WASHC2C: variants seen among roughly 807,000 people sequenced by gnomAD.
The protein encoded by WASHC2C is Vaccinia Penetration Factor.
Under a neutral mutation model 142.2 loss-of-function variants are expected in WASHC2C, and 73 were observed. That is an observed-to-expected ratio of 0.51 (90% CI 0.43 to 0.62). The LOEUF is 0.62. Among genes scored for constraint, WASHC2C ranks in the 20% least tolerant of loss-of-function variants. The pLI, the probability that WASHC2C is intolerant of heterozygous loss-of-function variation, is 0.00. For missense variants in WASHC2C, 969 were observed against 1,531.7 expected, an observed-to-expected ratio of 0.63 and a Z score of 6.13; for synonymous variants, 337 against 565.5, an observed-to-expected ratio of 0.60 and a Z score of 5.73.
intron 8 of WASHC2C, among the ~76,000 whole-genome samples, chr10:45,749,887 TA>T (rs2053383227): frequency 7.0e-6 from 1 of 142,286 alleles, no homozygotes; most frequent in Non-Finnish European, 1.5e-5. Context: ...ATTTTATATA[TA>T]TTTTTATATA....
chr10:45,771,416 G>C (rs1797066096), intron 20 of WASHC2C: 1 of 899,794 alleles, frequency 1.1e-6, no homozygotes, highest in African/African-American at 1.9e-5. Flanking sequence ...AGACAAGAAA[G>C]AGAAGAAATA....
intron 23 of WASHC2C, among the ~76,000 whole-genome samples, chr10:45,779,983 CAAAAAAA>C (rs1212129330): frequency 1.4e-5 from 1 of 69,000 alleles, no homozygotes; most frequent in Non-Finnish European, 3.0e-5. Flanking sequence ...GACTCCATCT[CAAAAAAA>C]AAAAAAAAAA....
At chr10:45,768,548 CAG>C (rs1387137132) in intron 19 of WASHC2C, among the ~76,000 whole-genome samples, 5 of 152,144 alleles carry the variant, frequency 3.3e-5, no homozygotes, top group Non-Finnish European at 7.3e-5. Flanking sequence ...CTCTAGACTC[CAG>C]AGATAGAGCA....
chr10:45,727,342 G>T (rs777300125), intron 1 of WASHC2C, 22 bp downstream of exon 1: 5 of 1,593,210 alleles, frequency 3.1e-6, no homozygotes. Flanking sequence ...GGGCCGGAGA[G>T]GGGCCGGCCT....
intron 20 of WASHC2C, among the ~76,000 whole-genome samples, chr10:45,770,645 A>G (rs1468529109): frequency 2.6e-5 from 4 of 152,198 alleles, no homozygotes; most frequent in Non-Finnish European, 5.9e-5. Flanking sequence ...TCTGTCTCCA[A>G]ATACTCGAAT....
chr10:45,750,230 C>T, intron 9 of WASHC2C, 24 bp downstream of exon 9: 1 of 1,606,472 alleles, frequency 6.2e-7, no homozygotes, highest in Non-Finnish European at 8.5e-7. Flanking sequence ...TAGTTGCTAT[C>T]ACTTGGCAGA....
In WASHC2C at chr10:45,757,225, C is replaced by A. The variant is rs575553087; in HGVS notation, c.1548+86C>A. The A allele has an allele frequency of 7.5e-5, 120 of 1,593,158 alleles. No individual in the cohort carries two copies. The African/African-American group carries it at 1.5e-3, about 20-fold the overall frequency. On this transcript the variant is annotated intron_variant, in intron 16 of 30. Coordinates refer to ENST00000623400, the MANE Select transcript of WASHC2C (RefSeq NM_001330074.2). ...CGGAACCCAGAGGGAAGTACTGTTC[C>A]CTTTCACGTTCATATTGAAGAACTT...
In WASHC2C at chr10:45,742,191, T is replaced by A. The variant is rs1173388414; in HGVS notation, c.529-1199T>A. Among the ~76,000 whole-genome samples, 88 of 152,150 alleles carry A rather than the reference T, an allele frequency of 5.8e-4. No homozygotes were observed. The South Asian group carries it at 0.018, about 31-fold the overall frequency. On this transcript the variant is annotated intron_variant, in intron 5 of 30. Transcript: ENST00000623400. ...AGCATGTGCTGTTGGGGCCACAGTC[T>A]CCTGCCCTCACTCTGTTTTCTCATC...
chr10:45,771,258 G>T (rs535791314), intron 20 of WASHC2C, among the ~76,000 whole-genome samples: 14 of 151,162 alleles, frequency 9.3e-5, no homozygotes, highest in African/African-American at 3.2e-4. Flanking sequence ...CCAGCTACTC[G>T]GGAGGCTGAG....
intron 19 of WASHC2C, among the ~76,000 whole-genome samples, chr10:45,766,187 C>G (rs1314114559): frequency 5.9e-5 from 9 of 152,280 alleles, no homozygotes; most frequent in Non-Finnish European, 1.2e-4. Flanking sequence ...GACACAGGAG[C>G]CTTCAGAAAG....
chr10:45,784,287 TATACAC>T (rs1453334990), intron 23 of WASHC2C, among the ~76,000 whole-genome samples: 177 of 8,520 alleles, frequency 0.021, 15 homozygotes, highest in East Asian at 0.039. Context: ...TATATATATA[TATACAC>T]ATATATATAT....
At chr10:45,754,192 G>T (rs1416819946) in intron 13 of WASHC2C, among the ~76,000 whole-genome samples, 1 of 151,984 alleles carries the variant, frequency 6.6e-6, no homozygotes, top group Non-Finnish European at 1.5e-5. Flanking sequence ...CCCTGCCTCT[G>T]CTGTGCTCAC....
chr10:45,754,559 G>A lies in WASHC2C; in HGVS notation c.1240+14G>A, dbSNP rs1554876352. ...CTGTATTTTTAGGTAACATAACTTA[G>A]GTTTGTTTTCTAAAAACTACACAAA... On this transcript the variant is annotated intron_variant, in intron 14 of 30. Transcript: ENST00000623400. 1 of 1,576,108 alleles carries A rather than the reference G, an allele frequency of 6.3e-7. No homozygotes were observed. The highest frequency in any genetic ancestry group is 8.6e-7 in the Non-Finnish European group (1 of 1,159,080).
rs1337185869 is a variant in WASHC2C at position 45,784,754 on chromosome 10, G to A, written c.2607+61G>A. On this transcript the variant is annotated intron_variant, in intron 24 of 30. Transcript: ENST00000623400. ...TATTGTATTGGGTGCTGTCTCAACA[G>A]CTCACCTAGTTCTCTTTGTAAATTG... is the stretch of plus-strand genomic sequence containing the variant. 6.9e-6 allele frequency: 11 copies of A among 1,592,838 alleles called. No homozygotes were observed. The Middle Eastern group carries it at 6.9e-4, about 99-fold the overall frequency.
intron 3 of WASHC2C, among the ~76,000 whole-genome samples, 184 bp downstream of exon 3, chr10:45,729,210 C>T (rs1432475211): frequency 2.0e-5 from 3 of 151,990 alleles, no homozygotes; most frequent in Non-Finnish European, 4.4e-5. Context: ...TTTTTCCAAG[C>T]CTCTAAAAAA....
intron 17 of WASHC2C, among the ~76,000 whole-genome samples, chr10:45,762,246 C>T (rs1554880288): frequency 2.0e-5 from 3 of 152,004 alleles, no homozygotes; most frequent in Non-Finnish European, 2.9e-5. Context: ...AAATTATACT[C>T]TTTTTGCCTA....
chr10:45,774,067 TGCCTTTTTAAA>T (rs1421670764), intron 21 of WASHC2C, among the ~76,000 whole-genome samples: 3 of 133,596 alleles, frequency 2.2e-5, no homozygotes, highest in Middle Eastern at 3.6e-3. Context: ...ATACTCTCAA[TGCCTTTTTAAA>T]GCCTTTTTAA....
At chr10:45,732,354 T>C (rs1169040773) in intron 3 of WASHC2C, among the ~76,000 whole-genome samples, 1 of 152,116 alleles carries the variant, frequency 6.6e-6, no homozygotes, top group Non-Finnish European at 1.5e-5. Context: ...TTAGTACCAT[T>C]AGTAAAGGCT....
intron 16 of WASHC2C, 24 bp from the exon 17 acceptor site, chr10:45,759,290 CA>C (rs1554878917): frequency 1.1e-5 from 6 of 535,116 alleles, no homozygotes; most frequent in African/African-American, 7.4e-5. Flanking sequence ...TTTTCTTCCC[CA>C]CCCCCCCCCC....
Sources: gnomAD v4.1 joint callset for allele counts (sites outside exome capture counted in the v4.1 genomes callset) on GRCh38, gnomAD v4.1.1 for gene constraint, MANE v1.5 for transcripts, NCBI Gene and HGNC (gene_info 2026-07-23, HGNC 2026-07-21) for gene names.